ZNF780B: variants seen among roughly 807,000 people sequenced by gnomAD.
ZNF780B encodes the protein zinc finger protein 779.
A neutral mutation model predicts 74.1 loss-of-function variants in ZNF780B; 52 were observed. That is an observed-to-expected ratio of 0.70 (90% CI 0.56 to 0.88). The LOEUF is 0.88. Ranked by LOEUF, ZNF780B falls within the 40% of genes least tolerant of loss-of-function variation. ZNF780B has a pLI of 0.00. For missense variants in ZNF780B, 953 were observed against 1,007.6 expected, an observed-to-expected ratio of 0.95 and a Z score of 0.73; for synonymous variants, 315 against 324.3, an observed-to-expected ratio of 0.97 and a Z score of 0.31.
intron 4 of ZNF780B, among the ~76,000 whole-genome samples, chr19:40,038,689 G>GT (rs1972478843): frequency 6.6e-6 from 1 of 152,194 alleles, no homozygotes; most frequent in African/African-American, 2.4e-5. Flanking sequence ...TTTTTCATGT[G>GT]TTTTTTGGCT....
In ZNF780B at chr19:40,035,988, T is replaced by G; in HGVS notation, c.871A>C (p.Asn291His). 1 of 1,613,998 alleles carries G rather than the reference T, an allele frequency of 6.2e-7. No homozygotes were observed. The highest frequency in any genetic ancestry group is 8.5e-7 in the Non-Finnish European group (1 of 1,179,990). Reference protein sequence around the residue: ...ECGKAFNRGSNLIQHQKIHSN... With the variant: ...ECGKAFNRGSHLIQHQKIHSN... ...TGAATTTTTTGATGCTGAATAAGAT[T>G]TGAACCACGATTAAAGGCTTTCCCA... The change falls in exon 5 of 5, where the codon AAT becomes CAT. Residue 291 changes from asparagine (N) to histidine (H), a missense_variant. Coordinates refer to ENST00000434248, the MANE Select transcript of ZNF780B (RefSeq NM_001005851.3).
chr19:40,051,292 A>G (rs1973220781), intron 1 of ZNF780B, among the ~76,000 whole-genome samples: 2 of 151,354 alleles, frequency 1.3e-5, no homozygotes, highest in Non-Finnish European at 2.9e-5. Context: ...TTAAATGTAC[A>G]TACACATTTT....
chr19:40,044,945 C>T (rs78547126), intron 4 of ZNF780B, among the ~76,000 whole-genome samples: 5 of 152,038 alleles, frequency 3.3e-5, no homozygotes, highest in African/African-American at 1.2e-4. Context: ...AAGCTGCCTA[C>T]AAGAAACTCT....
chr19:40,049,218 A>G (rs568396749), intron 2 of ZNF780B, among the ~76,000 whole-genome samples: 1 of 132,576 alleles, frequency 7.5e-6, no homozygotes, highest in Non-Finnish European at 1.6e-5. Context: ...TGGGCTACAG[A>G]GTGAGACCCT....
At chr19:40,043,431 T>G (rs1277412937) in intron 4 of ZNF780B, among the ~76,000 whole-genome samples, 1 of 152,162 alleles carries the variant, frequency 6.6e-6, no homozygotes, top group Non-Finnish European at 1.5e-5. Context: ...GGAGAACCAC[T>G]CCTCTCTTCA....
intron 4 of ZNF780B, among the ~76,000 whole-genome samples, chr19:40,041,815 G>A (rs905280346): frequency 6.6e-6 from 1 of 152,080 alleles, no homozygotes; most frequent in African/African-American, 2.4e-5. Flanking sequence ...CATGTGAGGT[G>A]GGTTTCCTGA....
rs368112768 is a variant in ZNF780B at position 40,042,381 on chromosome 19, T to C, written c.232+4994A>G. On this transcript the variant is annotated intron_variant, in intron 4 of 4. Coordinates refer to ENST00000434248, the MANE Select transcript of ZNF780B (RefSeq NM_001005851.3). ...TGGTGAATCTGACAATTATGTGTCT[T>C]GGAGTTGCTCTTCTCGAGGAGTATC... Among the ~76,000 whole-genome samples, 11 of 152,324 alleles carry C rather than the reference T, an allele frequency of 7.2e-5. No homozygotes were observed. The East Asian group carries it at 1.5e-3, about 21-fold the overall frequency.
chr19:40,043,229 C>G (rs940654490), intron 4 of ZNF780B, among the ~76,000 whole-genome samples: 5 of 152,212 alleles, frequency 3.3e-5, no homozygotes, highest in African/African-American at 4.8e-5. Flanking sequence ...GGCTGTAGAA[C>G]AGTGGATATT....
rs748467007 is a variant in ZNF780B at position 40,050,326 on chromosome 19, G to C, written c.7C>G (p.His3Asp). 5.0e-6 allele frequency: 8 copies of C among 1,596,330 alleles called. No homozygotes were observed. In the South Asian group the frequency reaches 7.8e-5, roughly 16 times the overall value. Residue 3 changes from histidine to aspartate, a missense_variant and splice_region_variant, in exon 2 of 5, where the codon CAT (histidine) becomes GAT (aspartate). Coordinates refer to ENST00000434248, the MANE Select transcript of ZNF780B (RefSeq NM_001005851.3). Reference sequence around the variant, plus strand: ...AGAAGACAGAAACACCAACTTACATGGACCATGTTTCTAGAATTACAAAAT... The same window carrying C: ...AGAAGACAGAAACACCAACTTACATCGACCATGTTTCTAGAATTACAAAAT... MV[H>D]GSVTFRDVAI...
At chr19:40,036,947 C>T (rs906690169) in intron 4 of ZNF780B, among the ~76,000 whole-genome samples, 9 of 149,028 alleles carry the variant, frequency 6.0e-5, no homozygotes, top group African/African-American at 2.2e-4. Flanking sequence ...TCACTCTTGT[C>T]GCCCAGGCTG....
chr19:40,048,287 C>A (rs1226339248), intron 3 of ZNF780B, among the ~76,000 whole-genome samples: 1 of 152,160 alleles, frequency 6.6e-6, no homozygotes, highest in Non-Finnish European at 1.5e-5. Flanking sequence ...TCAACACACT[C>A]TTCTCCTTAC....
At chr19:40,047,857 C>T (rs182958603) in intron 3 of ZNF780B, among the ~76,000 whole-genome samples, 157 of 152,252 alleles carry the variant, frequency 1.0e-3, no homozygotes, top group Non-Finnish European at 1.4e-3. Flanking sequence ...AGGATTGATA[C>T]TAATATTAAA....
Position 40,056,194 on chromosome 19 carries a change from T to A in ZNF780B, c.-51A>T, listed in dbSNP as rs1207791599. ...CTAGGACGTGAAGACCTTACCCAGC[T>A]AGGTCGTCAACCCCAGGAGACAGGA... On this transcript the variant is annotated 5_prime_UTR_variant, in exon 1 of 5. Transcript: ENST00000434248. The A allele has an allele frequency of 6.6e-6, 1 of 152,272 alleles. No individual in the cohort carries two copies. The highest frequency in any genetic ancestry group is 2.4e-5 in the African/African-American group (1 of 41,456). The allele number at this position is 152,272 out of a possible 1,614,324, so 9.4% of individuals were successfully genotyped here.
At chr19:40,043,507 G>A (rs1972768880) in intron 4 of ZNF780B, among the ~76,000 whole-genome samples, 1 of 152,244 alleles carries the variant, frequency 6.6e-6, no homozygotes, top group Non-Finnish European at 1.5e-5. Flanking sequence ...TGCCCCCAGA[G>A]GTGGAGCCTA....
intron 4 of ZNF780B, among the ~76,000 whole-genome samples, chr19:40,039,095 G>A (rs1599772132): frequency 6.6e-6 from 1 of 151,988 alleles, no homozygotes; most frequent in African/African-American, 2.4e-5. Context: ...TGTATAAGGT[G>A]TAAGGAAGGG....
At chr19:40,041,492 T>C (rs1258721029) in intron 4 of ZNF780B, among the ~76,000 whole-genome samples, 1 of 152,220 alleles carries the variant, frequency 6.6e-6, no homozygotes, top group Admixed American at 6.5e-5. Context: ...ATCTGTCTGA[T>C]GTTGACAGTG....
intron 1 of ZNF780B, among the ~76,000 whole-genome samples, chr19:40,054,095 G>A (rs1218282189): frequency 6.6e-6 from 1 of 152,234 alleles, no homozygotes; most frequent in Non-Finnish European, 1.5e-5. Context: ...AGAGGTTGCA[G>A]TGAACCGAGA....
chr19:40,045,709 T>A (rs1371103258), intron 4 of ZNF780B, among the ~76,000 whole-genome samples: 1 of 152,122 alleles, frequency 6.6e-6, no homozygotes, highest in Non-Finnish European at 1.5e-5. Context: ...AATATCAGAC[T>A]GGGCGCAGTG....
At position 40,035,100 on chromosome 19, in the gene ZNF780B, A is replaced by T. The variant is rs201898017; in HGVS notation, c.1759T>A (p.Cys587Ser). ...CGAAAGGCTTTCCCACATTCCTTAC[A>T]TTCAAAGGGTTTCTTTCCGGTATGA... ...SIHTGKKPFE[C>S]KECGKAFRLH... Residue 587 changes from cysteine (C) to serine (S), a missense_variant, in exon 5 of 5, where the codon TGT (cysteine) becomes AGT (serine). Cys to Ser is a moderately radical substitution (Grantham distance 112). Coordinates refer to ENST00000434248, the MANE Select transcript of ZNF780B (RefSeq NM_001005851.3). 6.2e-7 allele frequency: 1 copy of T among 1,613,692 alleles called. No homozygotes were observed. The highest frequency in any genetic ancestry group is 1.1e-5 in the South Asian group (1 of 90,936).
Sources: gnomAD v4.1 joint callset for allele counts (sites outside exome capture counted in the v4.1 genomes callset) on GRCh38, gnomAD v4.1.1 for gene constraint, MANE v1.5 for transcripts, NCBI Gene and HGNC (gene_info 2026-07-23, HGNC 2026-07-21) for gene names.